Variants in SHCBP1L observed in about 807,000 individuals in gnomAD.
SHCBP1L encodes the protein testicular spindle-associated protein SHCBP1L.
Under a neutral mutation model 62.5 loss-of-function variants are expected in SHCBP1L, and 67 were observed. The ratio of observed to expected loss-of-function variants is 1.07; its 90% CI spans 0.88 to 1.31. SHCBP1L has a LOEUF of 1.31. SHCBP1L is among the 40% of genes most tolerant of loss of function. The probability of loss-of-function intolerance (pLI) is 0.00; values close to 1 mark genes in which losing one functional copy is unlikely to be tolerated. For synonymous variants in SHCBP1L, 284 were observed against 289.4 expected (o/e 0.98, Z 0.19); for missense variants, 823 against 809.8 (o/e 1.02, Z -0.20).
At chr1:182,904,108 T>C in intron 8 of SHCBP1L, 72 bp downstream of exon 8, 1 of 1,521,740 alleles carries the variant, frequency 6.6e-7, no homozygotes, top group South Asian at 1.3e-5. Flanking sequence ...CTACCCTTTA[T>C]TTGTATATTA....
At chr1:182,925,603 A>G (rs1307504813) in intron 6 of SHCBP1L, among the ~76,000 whole-genome samples, 1 of 152,214 alleles carries the variant, frequency 6.6e-6, no homozygotes, top group Non-Finnish European at 1.5e-5. Context: ...TTGGAACTCT[A>G]ATACTTTGCA....
Position 182,939,276 on chromosome 1 carries a change from CTTT to C in SHCBP1L, c.973_975del (p.Lys325del). ...ACAGCCTCTGCTGCAGATGGATCTT[CTTT>C]AATATTGCTCTGATACTCAATGAGC... On this transcript the variant is annotated inframe_deletion, in exon 5 of 10. Transcript: ENST00000367547. The C allele has an allele frequency of 6.2e-7, 1 of 1,613,956 alleles. No individual in the cohort carries two copies. The highest frequency in any genetic ancestry group is 8.5e-7 in the Non-Finnish European group (1 of 1,179,944).
At chr1:182,924,974 G>GAAAGAAAGAAAGAAAA (rs1344712194) in intron 6 of SHCBP1L, among the ~76,000 whole-genome samples, 136 of 109,530 alleles carry the variant, frequency 1.2e-3, no homozygotes, top group Admixed American at 1.7e-3. Flanking sequence ...AAGAAAGAAA[G>GAAAGAAAGAAAGAAAA]AAAAAAAAAG....
rs114391160 is a variant in SHCBP1L, at chr1:182,942,430, G to A, written c.556-1887C>T. ...TGGCGGCAGGCAGGGCGCGTGCCGG[G>A]TGCCTGCGGGCCGTGGCGCGCCGAG... On this transcript the variant is annotated intron_variant, in intron 2 of 9. Coordinates refer to ENST00000367547, the MANE Select transcript of SHCBP1L (RefSeq NM_030933.4). 2.3e-4 allele frequency: 161 copies of A among 695,300 alleles called. No individual in the cohort carries two copies. In the Middle Eastern group the frequency reaches 3.2e-3, roughly 14 times the overall value. The allele number at this position is 695,300 out of a possible 1,614,324, so 43.1% of individuals were successfully genotyped here.
rs750125299 is a variant in SHCBP1L at position 182,952,841 on chromosome 1, T to C, written c.293A>G (p.Glu98Gly). 6.2e-7 allele frequency: 1 copy of C among 1,611,584 alleles called. No individual in the cohort carries two copies. The highest frequency in any genetic ancestry group is 8.5e-7 in the Non-Finnish European group (1 of 1,179,272). ...CAGGGGCTGCGCCTCCTCTTCATCCTCAGGCACTGGCAGCAGGGGCTCCTC... is the reference window on the plus strand; with the variant it reads ...CAGGGGCTGCGCCTCCTCTTCATCCCCAGGCACTGGCAGCAGGGGCTCCTC... ...AAEEPLLPVP[E>G]DEEEAQPLPP... Residue 98 changes from glutamate (E) to glycine (G), a missense_variant, in exon 1 of 10, where the codon GAG (glutamate) becomes GGG (glycine). Glu to Gly is a moderately conservative substitution (Grantham distance 98). Coordinates refer to ENST00000367547, the MANE Select transcript of SHCBP1L (RefSeq NM_030933.4).
At chr1:182,911,004 C>T (rs764408227) in intron 6 of SHCBP1L, among the ~76,000 whole-genome samples, 21 of 152,100 alleles carry the variant, frequency 1.4e-4, no homozygotes, top group Admixed American at 2.6e-4. Flanking sequence ...ATTCTCCTGC[C>T]TCAGCCTCCC....
intron 6 of SHCBP1L, among the ~76,000 whole-genome samples, chr1:182,913,808 C>G (rs1650267356): frequency 1.3e-5 from 2 of 152,092 alleles, no homozygotes; most frequent in South Asian, 4.2e-4. Flanking sequence ...TGGCGAAACC[C>G]CATCTCTACT....
In SHCBP1L at chr1:182,939,176, C is replaced by T. The variant is rs777059000; in HGVS notation, c.1076G>A (p.Arg359Gln). The T allele has an allele frequency of 8.7e-6, 14 of 1,602,800 alleles. No individual in the cohort carries two copies. Among genetic ancestry groups the T allele is most frequent in the East Asian group, 4.5e-5 (2 of 44,770 alleles). Residue 359 changes from arginine (R) to glutamine (Q), a missense_variant and splice_region_variant, in exon 5 of 10, where the codon CGA (arginine) becomes CAA (glutamine). By Grantham distance (43) the Arg-to-Gln change is conservative. Coordinates refer to ENST00000367547, the MANE Select transcript of SHCBP1L (RefSeq NM_030933.4). ...TATTTGAAATAGAGCAAATTATTAC[C>T]GGAGGCGTAAATCTTCCCACATTTT... Reference protein sequence around the residue: ...LLKMWEDLRLRVHGPFFPRIL... With the variant: ...LLKMWEDLRLQVHGPFFPRIL...
rs747708113 is a variant in SHCBP1L at position 182,952,865 on chromosome 1, T to TCCGCCGCCG, written c.260_268dup (p.Ala87_Ala89dup). The stretch of plus-strand genomic sequence containing the variant: ...CTCAGGCACTGGCAGCAGGGGCTCC[T>TCCGCCGCCG]CCGCCGCCGCCGCCGCCGCCTCTCC... On this transcript the variant is annotated inframe_insertion, in exon 1 of 10. Transcript: ENST00000367547. The TCCGCCGCCG allele has an allele frequency of 2.7e-5, 43 of 1,601,356 alleles. No homozygotes were observed. In the East Asian group the frequency reaches 2.7e-4, roughly 10 times the overall value.
At chr1:182,937,792 T>C (rs1651226976) in intron 5 of SHCBP1L, among the ~76,000 whole-genome samples, 1 of 152,218 alleles carries the variant, frequency 6.6e-6, no homozygotes, top group South Asian at 2.1e-4. Flanking sequence ...CTTCCCACAA[T>C]AGATCATGTA....
At position 182,941,345 on chromosome 1, in the gene SHCBP1L, G is replaced by A. The variant is rs115041474; in HGVS notation, c.556-802C>T. ...ATTTTATTGGTTAAGGATCAGTTCA[G>A]ACATTTCAATTTGTACACAATTCTT... On this transcript the variant is annotated intron_variant, in intron 2 of 9. Coordinates refer to ENST00000367547, the MANE Select transcript of SHCBP1L (RefSeq NM_030933.4). Among the ~76,000 whole-genome samples, 1,476 of 147,820 alleles carry A rather than the reference G, an allele frequency of 1.0e-2. 26 individuals carry two copies. The highest frequency in any genetic ancestry group is 0.022 in the Middle Eastern group (6 of 272).
chr1:182,947,236 C>CAAAAAA (rs761348678), intron 2 of SHCBP1L, among the ~76,000 whole-genome samples: 1 of 62,220 alleles, frequency 1.6e-5, no homozygotes, highest in Non-Finnish European at 3.5e-5. Flanking sequence ...GACTCTGTCT[C>CAAAAAA]AAAAAAAAAA....
chr1:182,929,630 A>G lies in SHCBP1L; in HGVS notation c.1182+17T>C. 6.8e-7 allele frequency: 1 copy of G among 1,465,738 alleles called. No individual in the cohort carries two copies. Among genetic ancestry groups the G allele is most frequent in the Admixed American group, 2.4e-5 (1 of 42,514 alleles). The allele number at this position is 1,465,738 out of a possible 1,614,324, so 90.8% of individuals were successfully genotyped here. On this transcript the variant is annotated intron_variant, in intron 6 of 9. Coordinates refer to ENST00000367547, the MANE Select transcript of SHCBP1L (RefSeq NM_030933.4). Reference sequence around the variant, plus strand: ...AGCTAATACTTAAATAACAAATAAGAATAGTTTATTTCTTACCATTTCAGT... The same window carrying G: ...AGCTAATACTTAAATAACAAATAAGGATAGTTTATTTCTTACCATTTCAGT...
chr1:182,941,783 G>C (rs1651374133), intron 2 of SHCBP1L, among the ~76,000 whole-genome samples: 1 of 152,132 alleles, frequency 6.6e-6, no homozygotes, highest in African/African-American at 2.4e-5. Flanking sequence ...CATTTAATAT[G>C]CTTTGTATTA....
chr1:182,924,675 A>AGAAAGGAAAGGAAAG lies in SHCBP1L; in HGVS notation c.1182+4957_1182+4971dup, dbSNP rs140771329. Among the ~76,000 whole-genome samples, 169 of 93,946 alleles carry AGAAAGGAAAGGAAAG rather than the reference A, an allele frequency of 1.8e-3. 16 individuals carry two copies. The highest frequency in any genetic ancestry group is 8.1e-3 in the African/African-American group (165 of 20,422). The allele number at this position is 93,946 out of a possible 152,430, so 61.6% of individuals were successfully genotyped here. On this transcript the variant is annotated intron_variant, in intron 6 of 9. Transcript: ENST00000367547. ...AGTGCTATTCCGATCCAACTACAAAAGAAAGGAAAGGAAAGGAAAGGAAAG... is the reference window on the plus strand; with the variant it reads ...AGTGCTATTCCGATCCAACTACAAAAGAAAGGAAAGGAAAGGAAAGGAAAGGAAAGGAAAGGAAAG...
chr1:182,930,260 T>G (rs1178571151), intron 5 of SHCBP1L, among the ~76,000 whole-genome samples: 1 of 152,032 alleles, frequency 6.6e-6, no homozygotes, highest in Middle Eastern at 3.2e-3. Context: ...GCTTCTCTCT[T>G]AGTTGTTTTT....
chr1:182,921,442 C>T (rs762135229), intron 6 of SHCBP1L, among the ~76,000 whole-genome samples: 1 of 152,208 alleles, frequency 6.6e-6, no homozygotes, highest in South Asian at 2.1e-4. Context: ...ACTGCACTAT[C>T]AAGTCTGCAT....
rs567605395 is a variant in SHCBP1L, at chr1:182,899,869, A to T, written c.*114T>A. 4 of 858,916 alleles carry T rather than the reference A, an allele frequency of 4.7e-6. No individual in the cohort carries two copies. In the African/African-American group the frequency reaches 5.2e-5, roughly 11 times the overall value. 53.2% of individuals were successfully genotyped at this position (858,916 alleles called of 1,614,324 possible). On this transcript the variant is annotated 3_prime_UTR_variant, in exon 10 of 10. Coordinates refer to ENST00000367547, the MANE Select transcript of SHCBP1L (RefSeq NM_030933.4). ...ATGAATCATTCAGTGAAAGCATGAT[A>T]TTTAAATATTTTTTAATTAAGCTTT... is the stretch of plus-strand genomic sequence containing the variant.
At chr1:182,924,822 GA>G (rs1267787689) in intron 6 of SHCBP1L, among the ~76,000 whole-genome samples, 1 of 135,026 alleles carries the variant, frequency 7.4e-6, no homozygotes, top group Non-Finnish European at 1.6e-5. Flanking sequence ...GGAGGGAAGA[GA>G]GGGGTGGGGG....
Sources: gnomAD v4.1 joint callset for allele counts (sites outside exome capture counted in the v4.1 genomes callset) on GRCh38, gnomAD v4.1.1 for gene constraint, MANE v1.5 for transcripts, NCBI Gene and HGNC (gene_info 2026-07-23, HGNC 2026-07-21) for gene names.